Variants in GGTA1 observed in about 807,000 individuals in gnomAD.
The protein encoded by GGTA1 is glycoprotein alpha-galactosyltransferase 1 (inactive), also known as inactive N-acetyllactosaminide alpha-1,3-galactosyltransferase.
In GGTA1, 5 loss-of-function variants were observed where a neutral mutation model predicts 2.6. The ratio of observed to expected loss-of-function variants is 1.92; its 90% CI spans 1.00 to 4.04. The LOEUF (loss-of-function observed/expected upper bound fraction) is 4.04, where lower values mean the gene tolerates loss of function less well. Among genes scored for constraint, GGTA1 ranks in the 30% most tolerant of loss-of-function variants. The probability of loss-of-function intolerance (pLI) is 0.00; values close to 1 mark genes in which losing one functional copy is unlikely to be tolerated. For synonymous variants in GGTA1, 17 were observed against 5.0 expected, an observed-to-expected ratio of 3.38 and a Z score of -3.19; for missense variants, 50 against 16.7, an observed-to-expected ratio of 2.99 and a Z score of -3.47.
rs180953612 is a variant in GGTA1 at position 121,471,611 on chromosome 9, A to C, written c.-9-3680T>G. 1.8e-3 allele frequency among the ~76,000 whole-genome samples: 270 copies of C among 152,312 alleles called. 2 individuals are homozygous for C. The highest frequency in any genetic ancestry group is 7.6e-3 in the Admixed American group (116 of 15,302). On this transcript the variant is annotated intron_variant, in intron 1 of 5. Transcript: ENST00000481799. ...CAGAAAGTGAGCTCTGTTTGGAAAC[A>C]AAAAAGCTGGGCTGAATTCAATGTT...
chr9:121,478,622 G>T (rs907860635), intron 1 of GGTA1, among the ~76,000 whole-genome samples: 2 of 152,152 alleles, frequency 1.3e-5, no homozygotes, highest in Non-Finnish European at 2.9e-5. Context: ...GTGCATGGAA[G>T]GTTGTCTCCA....
At chr9:121,498,462 C>A (rs867285178) in intron 1 of GGTA1, among the ~76,000 whole-genome samples, 1 of 152,242 alleles carries the variant, frequency 6.6e-6, no homozygotes, top group African/African-American at 2.4e-5. Context: ...CTCCACACCC[C>A]CCACTCCCAG....
intron 1 of GGTA1, among the ~76,000 whole-genome samples, chr9:121,496,894 A>G (rs1186022398): frequency 6.6e-6 from 1 of 151,882 alleles, no homozygotes; most frequent in Non-Finnish European, 1.5e-5. Flanking sequence ...CAAACACGTA[A>G]GATTTGTAGG....
At chr9:121,479,555 G>A (rs1828589900) in intron 1 of GGTA1, among the ~76,000 whole-genome samples, 1 of 152,276 alleles carries the variant, frequency 6.6e-6, no homozygotes, top group African/African-American at 2.4e-5. Context: ...AGTATGGGAG[G>A]AGGAAAGGCC....
intron 5 of GGTA1, 85 bp from the exon 6 acceptor site, chr9:121,455,926 C>A: frequency 2.3e-6 from 1 of 435,776 alleles, no homozygotes; most frequent in Non-Finnish European, 4.6e-6. Flanking sequence ...TTATTTGATT[C>A]CACTGACAAT....
intron 2 of GGTA1, among the ~76,000 whole-genome samples, chr9:121,466,778 C>T (rs1447609821): frequency 1.3e-5 from 2 of 152,052 alleles, no homozygotes; most frequent in South Asian, 2.1e-4. Flanking sequence ...CATGGTGAAA[C>T]CCTGTCTCCA....
At chr9:121,493,336 C>T (rs1828913099) in intron 1 of GGTA1, among the ~76,000 whole-genome samples, 1 of 152,128 alleles carries the variant, frequency 6.6e-6, no homozygotes, top group Non-Finnish European at 1.5e-5. Flanking sequence ...CCACCGAGGG[C>T]TCCAAGCCAC....
intron 1 of GGTA1, among the ~76,000 whole-genome samples, chr9:121,471,540 C>T (rs1458136374): frequency 6.6e-6 from 1 of 152,182 alleles, no homozygotes; most frequent in Admixed American, 6.5e-5. Flanking sequence ...ATCTTACAAA[C>T]CCTTTATTAT....
chr9:121,473,838 G>A (rs952535091), intron 1 of GGTA1, among the ~76,000 whole-genome samples: 8 of 151,822 alleles, frequency 5.3e-5, no homozygotes, highest in African/African-American at 1.9e-4. Context: ...GATCACTAGA[G>A]CTTGGGAAGG....
intron 1 of GGTA1, among the ~76,000 whole-genome samples, chr9:121,482,694 G>A (rs10124583): frequency 0.22 from 33,035 of 152,110 alleles, 4,310 homozygotes; most frequent in Non-Finnish European, 0.3. Flanking sequence ...GCTTGAACCT[G>A]GGAGGTGGAG....
At chr9:121,488,124 C>CGTGT (rs1589338019) in intron 1 of GGTA1, among the ~76,000 whole-genome samples, 1 of 47,556 alleles carries the variant, frequency 2.1e-5, no homozygotes, top group African/African-American at 6.7e-5. Context: ...TGTGTGCGTG[C>CGTGT]ATGTGTGTGT....
chr9:121,485,800 G>T (rs900310770), intron 1 of GGTA1, among the ~76,000 whole-genome samples: 23 of 152,134 alleles, frequency 1.5e-4, no homozygotes, highest in African/African-American at 5.3e-4. Context: ...AAGTGGGGAA[G>T]GTCCCCTCCC....
At chr9:121,468,369 A>G (rs554041421) in intron 1 of GGTA1, among the ~76,000 whole-genome samples, 67 of 152,306 alleles carry the variant, frequency 4.4e-4, no homozygotes, top group African/African-American at 1.6e-3. Context: ...TTATGGCTGC[A>G]TAGTATTCTA....
intron 1 of GGTA1, among the ~76,000 whole-genome samples, chr9:121,487,960 C>G (rs1828795767): frequency 6.6e-6 from 1 of 152,166 alleles, no homozygotes; most frequent in Non-Finnish European, 1.5e-5. Context: ...AGATGATCCG[C>G]CTGCCTCAGC....
chr9:121,484,994 T>C (rs764317662), intron 1 of GGTA1, among the ~76,000 whole-genome samples: 7 of 152,180 alleles, frequency 4.6e-5, no homozygotes, highest in Non-Finnish European at 5.9e-5. Context: ...CTCCAGGACA[T>C]TAACTCACTG....
chr9:121,470,216 T>A (rs1414679581), intron 1 of GGTA1, among the ~76,000 whole-genome samples: 1 of 152,178 alleles, frequency 6.6e-6, no homozygotes, highest in Non-Finnish European at 1.5e-5. Flanking sequence ...GGTAGAGAGA[T>A]GGAAAGTGGT....
intron 1 of GGTA1, among the ~76,000 whole-genome samples, chr9:121,488,175 G>T (rs1828800360): frequency 6.6e-6 from 1 of 150,528 alleles, no homozygotes; most frequent in South Asian, 2.1e-4. Flanking sequence ...GGGTCTCACT[G>T]CATTGCTCAG....
intron 2 of GGTA1, among the ~76,000 whole-genome samples, chr9:121,464,131 T>C (rs1028957043): frequency 2.0e-5 from 3 of 152,200 alleles, no homozygotes; most frequent in African/African-American, 7.2e-5. Flanking sequence ...GTCACAGCAA[T>C]ATCCACATTG....
intron 5 of GGTA1, among the ~76,000 whole-genome samples, chr9:121,457,959 G>A (rs1002859432): frequency 3.3e-5 from 5 of 149,592 alleles, no homozygotes; most frequent in African/African-American, 1.2e-4. Context: ...GCCCAGGCTG[G>A]AGTGCAGTGG....
Sources: allele counts gnomAD v4.1 joint callset (sites outside exome capture counted in the v4.1 genomes callset), GRCh38; gene constraint gnomAD v4.1.1; transcripts MANE v1.5; gene names NCBI Gene and HGNC (gene_info 2026-07-23, HGNC 2026-07-21).